Variants in HEMGN observed in about 807,000 individuals in gnomAD.
The protein encoded by HEMGN is hemogen, also known as erythroid differentiation-associated gene protein.
In HEMGN, 32 loss-of-function variants were observed where a neutral mutation model predicts 45.7. The ratio of observed to expected loss-of-function variants is 0.70; its 90% CI spans 0.53 to 0.94. The LOEUF (loss-of-function observed/expected upper bound fraction) is 0.94, where lower values mean the gene tolerates loss of function less well. HEMGN is among the 40% of genes least tolerant of loss of function. The probability of loss-of-function intolerance (pLI) is 0.00; values close to 1 mark genes in which losing one functional copy is unlikely to be tolerated. For missense variants in HEMGN, 530 were observed against 564.2 expected, an observed-to-expected ratio of 0.94 and a Z score of 0.61; for synonymous variants, 183 against 178.6, an observed-to-expected ratio of 1.02 and a Z score of -0.20.
chr9:97,928,329 C>G (rs1826873053), intron 3 of HEMGN, among the ~76,000 whole-genome samples: 2 of 152,148 alleles, frequency 1.3e-5, no homozygotes, highest in African/African-American at 4.8e-5. Flanking sequence ...CCCGGCCGAT[C>G]AAGTGTATTT....
upstream of HEMGN, among the ~76,000 whole-genome samples, chr9:97,939,278 G>T (rs1188350941): frequency 6.6e-6 from 1 of 152,198 alleles, no homozygotes; most frequent in African/African-American, 2.4e-5. Flanking sequence ...GGATGATTAA[G>T]TCCAGTAATC....
At chr9:97,929,979 G>A in intron 3 of HEMGN, 56 bp downstream of exon 3, 1 of 1,289,098 alleles carries the variant, frequency 7.8e-7, no homozygotes, top group Non-Finnish European at 1.1e-6. Flanking sequence ...AGAGAAAGTT[G>A]TAAATCACTA....
chr9:97,930,183 C>A lies in HEMGN; in HGVS notation c.1212G>T (p.Gly404=), dbSNP rs1305259747. 1.2e-6 allele frequency: 2 copies of A among 1,613,916 alleles called. No individual in the cohort carries two copies. Among genetic ancestry groups the A allele is most frequent in the African/African-American group, 2.7e-5 (2 of 74,858 alleles). Residue 404 remains glycine (G), a synonymous_variant, in exon 3 of 4, where the codon GGG becomes GGT. Coordinates refer to ENST00000616898, the MANE Select transcript of HEMGN (RefSeq NM_197978.3). Reference sequence around the variant, plus strand: ...ATGTCTCAGTAGAGAGGTCTTCAGGCCCCGGTGTTTCTTGGTATATTTCAG... The same window carrying A: ...ATGTCTCAGTAGAGAGGTCTTCAGGACCCGGTGTTTCTTGGTATATTTCAG... The part of the protein sequence containing the change: ...YSPEIYQETP[G]PEDLSTETYK...
chr9:97,944,787 A>G (rs1169241900), exon 1 of HEMGN: 1 of 152,128 alleles, frequency 6.6e-6, no homozygotes, highest in Non-Finnish European at 1.5e-5. Flanking sequence ...TTTGCCGTGA[A>G]TCTTTCTAAC....
chr9:97,939,763 A>G (rs563269781), upstream of HEMGN, among the ~76,000 whole-genome samples: 2 of 152,322 alleles, frequency 1.3e-5, no homozygotes, highest in Non-Finnish European at 2.9e-5. Flanking sequence ...ATCTGCCACT[A>G]AAATTTAACT....
At chr9:97,939,806 T>G (rs577419279), upstream of HEMGN, among the ~76,000 whole-genome samples, 2 of 152,198 alleles carry the variant, frequency 1.3e-5, no homozygotes, top group Non-Finnish European at 1.5e-5. Context: ...AATATTTAGC[T>G]TTACCTCTCT....
At chr9:97,932,896 A>G (rs983667440) in intron 2 of HEMGN, among the ~76,000 whole-genome samples, 1 of 152,154 alleles carries the variant, frequency 6.6e-6, no homozygotes, top group Non-Finnish European at 1.5e-5. Context: ...GACAAGATAA[A>G]TCATAAAATT....
At chr9:97,939,069 A>G (rs1329964047), upstream of HEMGN, among the ~76,000 whole-genome samples, 1 of 152,126 alleles carries the variant, frequency 6.6e-6, no homozygotes, top group Non-Finnish European at 1.5e-5. Flanking sequence ...AACCCTGAGC[A>G]CCTCCTGATA....
intron 3 of HEMGN, among the ~76,000 whole-genome samples, chr9:97,929,250 T>C (rs953850483): frequency 1.3e-5 from 2 of 152,224 alleles, no homozygotes; most frequent in Non-Finnish European, 2.9e-5. Flanking sequence ...TTCTTTAAAG[T>C]AGTTCTTCAA....
At chr9:97,934,424 TGGG>T (rs1157877369) in intron 2 of HEMGN, among the ~76,000 whole-genome samples, 1 of 45,860 alleles carries the variant, frequency 2.2e-5, no homozygotes, top group Non-Finnish European at 4.3e-5. Flanking sequence ...GAGGAGGGGA[TGGG>T]GGAGAGGAGG....
At chr9:97,934,354 G>GTGAA (rs1587853906) in intron 2 of HEMGN, among the ~76,000 whole-genome samples, 2 of 149,268 alleles carry the variant, frequency 1.3e-5, no homozygotes, top group African/African-American at 2.5e-5. Flanking sequence ...CTCAAAACGA[G>GTGAA]TGAATGAATG....
At position 97,927,195 on chromosome 9, in the gene HEMGN, AC is replaced by A; in HGVS notation, c.*188del. ...CACACACACACACACACACACACAC[AC>A]ACATTCTAGCATGATATTGTCTATG... is the stretch of plus-strand genomic sequence containing the variant. On this transcript the variant is annotated 3_prime_UTR_variant, in exon 4 of 4. Transcript: ENST00000616898. 2 of 433,118 alleles carry A rather than the reference AC, an allele frequency of 4.6e-6. No homozygotes were observed. The allele number at this position is 433,118 out of a possible 1,614,324, so 26.8% of individuals were successfully genotyped here. A position where few individuals can be genotyped will look rare whatever the true frequency, so the allele number is the denominator to read the frequency against.
chr9:97,931,198 T>C lies in HEMGN; in HGVS notation c.197A>G (p.Gln66Arg), dbSNP rs776710745. 1 of 1,605,554 alleles carries C rather than the reference T, an allele frequency of 6.2e-7. No individual in the cohort carries two copies. ...LFGEQKKRKQ[Q>R]RTGKGNRRGR... ...TCTTCGATTTCCTTTTCCTGTTCTC[T>C]GCTGCTTGCGTTTTTTCTGTTCTCT... Residue 66 changes from glutamine to arginine, a missense_variant, in exon 3 of 4, where the codon CAG (glutamine) becomes CGG (arginine). Physicochemically the swap from Gln to Arg is conservative, Grantham distance 43. Coordinates refer to ENST00000616898, the MANE Select transcript of HEMGN (RefSeq NM_197978.3).
In HEMGN at chr9:97,930,526, C is replaced by A. The variant is rs756190428; in HGVS notation, c.869G>T (p.Gly290Val). 1 of 1,614,046 alleles carries A rather than the reference C, an allele frequency of 6.2e-7. No individual in the cohort carries two copies. The highest frequency in any genetic ancestry group is 2.2e-5 in the East Asian group (1 of 44,876). ...EPEEYNETDQ[G>V]IAETEGLFPK... ...AAAAAGGCCTTCTGTCTCAGCTATT[C>A]CTTGATCTGTTTCATTGTATTCCTC... The change falls in exon 3 of 4, where the codon GGA becomes GTA. Residue 290 changes from glycine (G) to valine (V), a missense_variant. Physicochemically the swap from Gly to Val is moderately radical, Grantham distance 109. Transcript: ENST00000616898.
At chr9:97,937,696 T>A (rs1412712050) in intron 1 of HEMGN, among the ~76,000 whole-genome samples, 1 of 150,932 alleles carries the variant, frequency 6.6e-6, no homozygotes, top group African/African-American at 2.4e-5. Flanking sequence ...GCAAAAAAAA[T>A]TTAAAACAAT....
chr9:97,936,114 A>T (rs990775975), intron 2 of HEMGN, 57 bp downstream of exon 2: 2 of 1,105,576 alleles, frequency 1.8e-6, no homozygotes, highest in African/African-American at 1.5e-5. Flanking sequence ...GCACTACTTT[A>T]TGCATAACAT....
intron 3 of HEMGN, among the ~76,000 whole-genome samples, chr9:97,928,136 C>A (rs1826866900): frequency 6.6e-6 from 1 of 151,742 alleles, no homozygotes; most frequent in South Asian, 2.1e-4. Flanking sequence ...ACGCCATTCT[C>A]CTGCTTCAGC....
chr9:97,928,947 T>A lies in HEMGN; in HGVS notation c.1360+1088A>T, dbSNP rs867946143. 5.9e-5 allele frequency among the ~76,000 whole-genome samples: 9 copies of A among 151,940 alleles called. No homozygotes were observed. In the South Asian group the frequency reaches 1.9e-3, roughly 31 times the overall value. ...CAACCTTAACATTGGGAACTGAAGA[T>A]AGAAGATGGTATTATAGGGGACTTT... On this transcript the variant is annotated intron_variant, in intron 3 of 3. Transcript: ENST00000616898.
chr9:97,930,206 C>T lies in HEMGN; in HGVS notation c.1189G>A (p.Glu397Lys). Residue 397 changes from glutamate (E) to lysine (K), a missense_variant, in exon 3 of 4, where the codon GAA (glutamate) becomes AAA (lysine). Physicochemically the swap from Glu to Lys is moderately conservative, Grantham distance 56 (BLOSUM62 1). Coordinates refer to ENST00000616898, the MANE Select transcript of HEMGN (RefSeq NM_197978.3). ...ETSQLEEYSP[E>K]IYQETPGPED... is the part of the protein sequence containing the mutation. ...GGCCCCGGTGTTTCTTGGTATATTT[C>T]AGGTGAATATTCTTCAAGCTGGGAT... is the stretch of plus-strand genomic sequence containing the variant. The T allele has an allele frequency of 6.2e-7, 1 of 1,614,028 alleles. No individual in the cohort carries two copies. The highest frequency in any genetic ancestry group is 1.1e-5 in the South Asian group (1 of 91,074).
Sources: allele counts gnomAD v4.1 joint callset (sites outside exome capture counted in the v4.1 genomes callset), GRCh38; gene constraint gnomAD v4.1.1; transcripts MANE v1.5; gene names NCBI Gene and HGNC (gene_info 2026-07-23, HGNC 2026-07-21).